Variants in ZNF181 observed in about 807,000 individuals in gnomAD.
ZNF181 encodes zinc finger protein 181, also known as zinc finger protein 181 (HHZ181).
ZNF181 carries 8 observed loss-of-function variants against 11.9 expected under a neutral mutation model. The observed-to-expected ratio is 0.67, with a 90% CI of 0.39 to 1.21. The LOEUF is 1.21. Among genes scored for constraint, ZNF181 ranks in the 50% most tolerant of loss-of-function variants. The pLI is 0.01. For missense variants in ZNF181, 542 were observed against 670.9 expected (o/e 0.81, Z 2.12); for synonymous variants, 202 against 221.1 (o/e 0.91, Z 0.77).
intron 1 of ZNF181, among the ~76,000 whole-genome samples, chr19:34,736,685 A>AAAGTTTAAAAT (rs2068894574): frequency 6.6e-6 from 1 of 152,052 alleles, no homozygotes; most frequent in Non-Finnish European, 1.5e-5. Flanking sequence ...TGAATTTTAA[A>AAAGTTTAAAAT]CTTTACTTAT....
chr19:34,734,981 T>C lies in ZNF181; in HGVS notation c.-57T>C. On this transcript the variant is annotated 5_prime_UTR_variant, in exon 1 of 4. Transcript: ENST00000492450. Reference sequence around the variant, plus strand: ...TTCTGTGCCCTCAGGACACTGCCCATCTCTAAGATAAGAGCCTGGAAAGAG... The same window carrying C: ...TTCTGTGCCCTCAGGACACTGCCCACCTCTAAGATAAGAGCCTGGAAAGAG... 1 of 1,558,466 alleles carries C rather than the reference T, an allele frequency of 6.4e-7. No individual in the cohort carries two copies. The highest frequency in any genetic ancestry group is 8.7e-7 in the Non-Finnish European group (1 of 1,149,032).
Position 34,739,523 on chromosome 19 carries a change from C to G in ZNF181, c.131C>G (p.Ala44Gly), listed in dbSNP as rs761979826. ...AACAATTCTGTATTCTTCCTGTAAG[C>G]AGGTCTTTCTGTAACTAAGCCATAT... ...VQNYENLVSV[A>G]GLSVTKPYVI... Residue 44 changes from alanine (A) to glycine (G), a missense_variant and splice_region_variant, in exon 3 of 4, where the codon GCA (alanine) becomes GGA (glycine). Physicochemically the swap from Ala to Gly is moderately conservative, Grantham distance 60 (BLOSUM62 0). Transcript: ENST00000492450. 22 of 1,613,822 alleles carry G rather than the reference C, an allele frequency of 1.4e-5. No individual in the cohort carries two copies. In the Admixed American group the frequency reaches 3.7e-4, roughly 27 times the overall value.
intron 3 of ZNF181, among the ~76,000 whole-genome samples, chr19:34,740,324 C>T (rs1030754701): frequency 6.6e-6 from 1 of 152,168 alleles, no homozygotes; most frequent in Non-Finnish European, 1.5e-5. Flanking sequence ...TCCAGAATGC[C>T]TTCCACATTT....
chr19:34,741,823 G>T lies in ZNF181; in HGVS notation c.1442G>T (p.Arg481Ile), dbSNP rs775187522. 6.2e-7 allele frequency: 1 copy of T among 1,613,844 alleles called. No homozygotes were observed. The highest frequency in any genetic ancestry group is 1.1e-5 in the South Asian group (1 of 91,064). Reference protein sequence around the residue: ...SHRSSLLQHHRIHTGEKPYEC... With the variant: ...SHRSSLLQHHIIHTGEKPYEC... ...AGGTCATCCCTGCTTCAACATCACA[G>T]AATTCATACTGGAGAGAAACCTTAT... Residue 481 changes from arginine (R) to isoleucine (I), a missense_variant, in exon 4 of 4, where the codon AGA (arginine) becomes ATA (isoleucine). Arg to Ile is a moderately conservative substitution (Grantham distance 97). Coordinates refer to ENST00000492450, the MANE Select transcript of ZNF181 (RefSeq NM_001029997.4).
At chr19:34,735,952 C>A (rs1187498964) in intron 1 of ZNF181, 2 of 500,582 alleles carry the variant, frequency 4.0e-6, no homozygotes, top group Middle Eastern at 5.1e-4. Flanking sequence ...TCCATCACTG[C>A]TTTGTTGTTT....
rs2069004370 is a variant in ZNF181, at chr19:34,743,109, C to G, written c.*1012C>G. Reference sequence around the variant, plus strand: ...TTACACAGCGATGGGATATAGGAATCCAGTAGTTCTGAGCTTTAGTGGTGT... The same window carrying G: ...TTACACAGCGATGGGATATAGGAATGCAGTAGTTCTGAGCTTTAGTGGTGT... On this transcript the variant is annotated 3_prime_UTR_variant, in exon 4 of 4. Transcript: ENST00000492450. 6.6e-6 allele frequency: 1 copy of G among 152,134 alleles called. No homozygotes were observed. Among genetic ancestry groups the G allele is most frequent in the Non-Finnish European group, 1.5e-5 (1 of 68,036 alleles). The allele number at this position is 152,134 out of a possible 1,614,324, so 9.4% of individuals were successfully genotyped here.
At chr19:34,737,610 G>A (rs376682065) in intron 1 of ZNF181, among the ~76,000 whole-genome samples, 16 of 152,202 alleles carry the variant, frequency 1.1e-4, no homozygotes, top group Admixed American at 3.9e-4. Context: ...TCTTTGAAAC[G>A]TACCCCTTTA....
chr19:34,745,196 C>T lies in ZNF181; in HGVS notation c.*3099C>T, dbSNP rs1054109. The T allele has an allele frequency of 6.6e-6, 1 of 152,126 alleles. No individual in the cohort carries two copies. 9.4% of individuals were successfully genotyped at this position (152,126 alleles called of 1,614,324 possible). On this transcript the variant is annotated 3_prime_UTR_variant, in exon 4 of 4. Coordinates refer to ENST00000492450, the MANE Select transcript of ZNF181 (RefSeq NM_001029997.4). ...ATGGGCTTAATAGATAAGAAACACT[C>T]CATACCCTTTAAGAGCCCTGAGGTG... is the stretch of plus-strand genomic sequence containing the variant.
Position 34,741,960 on chromosome 19 carries a change from A to G in ZNF181, c.1579A>G (p.Ser527Gly). ...ATGTAATGAGTGTGGGAAAGCTTTT[A>G]GCAAAGGCTCAAATCTTACTGCCCA... ...YKCNECGKAFSKGSNLTAHQR... is the reference protein window; with the variant it reads ...YKCNECGKAFGKGSNLTAHQR... The change falls in exon 4 of 4, where the codon AGC becomes GGC. Residue 527 changes from serine (S) to glycine (G), a missense_variant. Coordinates refer to ENST00000492450, the MANE Select transcript of ZNF181 (RefSeq NM_001029997.4). The G allele has an allele frequency of 1.2e-6, 2 of 1,613,868 alleles. No individual in the cohort carries two copies.
In ZNF181 at chr19:34,742,904, A is replaced by T. The variant is rs1378073017; in HGVS notation, c.*807A>T. ...CACTGTGACTATTTCCTGTAAAAAA[A>T]ATTTCACTAAGATTAGCCTTAGCGT... On this transcript the variant is annotated 3_prime_UTR_variant, in exon 4 of 4. Coordinates refer to ENST00000492450, the MANE Select transcript of ZNF181 (RefSeq NM_001029997.4). 1 of 152,230 alleles carries T rather than the reference A, an allele frequency of 6.6e-6. No homozygotes were observed. The highest frequency in any genetic ancestry group is 2.4e-5 in the African/African-American group (1 of 41,462). 9.4% of individuals were successfully genotyped at this position (152,230 alleles called of 1,614,324 possible).
Position 34,741,481 on chromosome 19 carries a change from A to G in ZNF181, c.1100A>G (p.His367Arg), listed in dbSNP as rs749372502. The change falls in exon 4 of 4, where the codon CAT (histidine) becomes CGT (arginine). Residue 367 changes from histidine (H) to arginine (R), a missense_variant. Physicochemically the swap from His to Arg is conservative, Grantham distance 29. Transcript: ENST00000492450. ...AFIHRSSLIH[H>R]QKIHTGEKPY... ...ATTCATAGGTCATCTCTCATTCACC[A>G]TCAGAAAATCCATACTGGAGAGAAG... The G allele has an allele frequency of 1.9e-6, 3 of 1,613,576 alleles. No individual in the cohort carries two copies. Among genetic ancestry groups the G allele is most frequent in the East Asian group, 4.5e-5 (2 of 44,884 alleles).
intron 1 of ZNF181, among the ~76,000 whole-genome samples, chr19:34,737,318 T>C (rs1484795279): frequency 6.6e-6 from 1 of 152,210 alleles, no homozygotes; most frequent in Non-Finnish European, 1.5e-5. Context: ...AAGACGAGTA[T>C]CACTGGTGAA....
Position 34,740,960 on chromosome 19 carries a change from A to C in ZNF181, c.579A>C (p.Pro193=), listed in dbSNP as rs764987103. The part of the protein sequence containing the change: ...HKYDILKKNL[P]KKSVIKNEKV... ...ATGATATATTAAAGAAGAACTTACC[A>C]AAAAAGTCAGTTATAAAAAATGAGA... is the stretch of plus-strand genomic sequence containing the variant. Residue 193 remains proline, a synonymous_variant, in exon 4 of 4, where the codon CCA becomes CCC. Coordinates refer to ENST00000492450, the MANE Select transcript of ZNF181 (RefSeq NM_001029997.4). 6.2e-7 allele frequency: 1 copy of C among 1,613,806 alleles called. No homozygotes were observed. Among genetic ancestry groups the C allele is most frequent in the Non-Finnish European group, 8.5e-7 (1 of 1,179,890 alleles).
Position 34,741,479 on chromosome 19 carries a change from C to A in ZNF181, c.1098C>A (p.His366Gln), listed in dbSNP as rs1387965909. 6.6e-5 allele frequency: 107 copies of A among 1,613,296 alleles called. No homozygotes were observed. The highest frequency in any genetic ancestry group is 8.9e-5 in the Non-Finnish European group (105 of 1,179,690). ...TCATTCATAGGTCATCTCTCATTCA[C>A]CATCAGAAAATCCATACTGGAGAGA... ...KAFIHRSSLIHHQKIHTGEKP... is the reference protein window; with the variant it reads ...KAFIHRSSLIQHQKIHTGEKP... The change falls in exon 4 of 4, where the codon CAC (histidine) becomes CAA (glutamine). Residue 366 changes from histidine to glutamine, a missense_variant. By Grantham distance (24) the His-to-Gln change is conservative. Coordinates refer to ENST00000492450, the MANE Select transcript of ZNF181 (RefSeq NM_001029997.4).
chr19:34,736,087 G>C (rs2068884391), intron 1 of ZNF181: 1 of 702,458 alleles, frequency 1.4e-6, no homozygotes, highest in African/African-American at 1.7e-5. Flanking sequence ...TCAGTACCCA[G>C]AGGGTTACCT....
At position 34,741,376 on chromosome 19, in the gene ZNF181, G is replaced by C; in HGVS notation, c.995G>C (p.Arg332Pro). The change falls in exon 4 of 4, where the codon CGT becomes CCT. Residue 332 changes from arginine (R) to proline (P), a missense_variant. By Grantham distance (103) the Arg-to-Pro change is moderately radical. Coordinates refer to ENST00000492450, the MANE Select transcript of ZNF181 (RefSeq NM_001029997.4). ...ECMNCGKSFSRVSHLIEHLRI... is the reference protein window; with the variant it reads ...ECMNCGKSFSPVSHLIEHLRI... ...ATGAACTGTGGAAAGTCTTTTAGTC[G>C]TGTGTCCCATCTTATTGAACATCTA... 1.2e-6 allele frequency: 2 copies of C among 1,613,824 alleles called. No homozygotes were observed. Among genetic ancestry groups the C allele is most frequent in the Non-Finnish European group, 1.7e-6 (2 of 1,179,802 alleles).
At position 34,741,776 on chromosome 19, in the gene ZNF181, A is replaced by T; in HGVS notation, c.1395A>T (p.Ile465=). ...GATTGAAACCCTACGAATGCAGTATATGTGGGAAAGCCTTTAGTCATAGGT... is the reference window on the plus strand; with the variant it reads ...GATTGAAACCCTACGAATGCAGTATTTGTGGGAAAGCCTTTAGTCATAGGT... ...HIRLKPYECS[I]CGKAFSHRSS... is the part of the protein sequence containing the mutation. Residue 465 remains isoleucine (I), a synonymous_variant, in exon 4 of 4, where the codon ATA becomes ATT. Transcript: ENST00000492450. 6.2e-7 allele frequency: 1 copy of T among 1,614,040 alleles called. No homozygotes were observed. The highest frequency in any genetic ancestry group is 8.5e-7 in the Non-Finnish European group (1 of 1,179,952).
chr19:34,741,290 C>T lies in ZNF181; in HGVS notation c.909C>T (p.Ser303=), dbSNP rs1323078059. The T allele has an allele frequency of 6.2e-7, 1 of 1,613,868 alleles. No individual in the cohort carries two copies. Among genetic ancestry groups the T allele is most frequent in the Non-Finnish European group, 8.5e-7 (1 of 1,179,812 alleles). The change falls in exon 4 of 4, where the codon AGC becomes AGT. Residue 303 remains serine, a synonymous_variant. Coordinates refer to ENST00000492450, the MANE Select transcript of ZNF181 (RefSeq NM_001029997.4). The part of the protein sequence containing the change: ...YKCIECGKAF[S]HVSSLTNHQS... ...GTATTGAATGTGGGAAGGCCTTTAG[C>T]CATGTCTCATCACTTACTAACCATC...
Position 34,739,211 on chromosome 19 carries a change from C to A in ZNF181, c.73C>A (p.Gln25Lys). ...HEEWGWLSSAQRDLYKDVMVQ... is the reference protein window; with the variant it reads ...HEEWGWLSSAKRDLYKDVMVQ... The stretch of plus-strand genomic sequence containing the variant: ...AGAGTGGGGATGGCTCAGTTCTGCT[C>A]AGAGGGACTTATACAAGGATGTGAT... Residue 25 changes from glutamine (Q) to lysine (K), a missense_variant, in exon 2 of 4, where the codon CAG becomes AAG. Coordinates refer to ENST00000492450, the MANE Select transcript of ZNF181 (RefSeq NM_001029997.4). The A allele has an allele frequency of 6.2e-7, 1 of 1,613,842 alleles. No homozygotes were observed. The highest frequency in any genetic ancestry group is 1.1e-5 in the South Asian group (1 of 91,074).
Sources: gnomAD v4.1 joint callset for allele counts (sites outside exome capture counted in the v4.1 genomes callset) on GRCh38, gnomAD v4.1.1 for gene constraint, MANE v1.5 for transcripts, NCBI Gene and HGNC (gene_info 2026-07-23, HGNC 2026-07-21) for gene names.